Variants in USP9X observed in about 807,000 individuals in gnomAD.
USP9X encodes the protein ubiquitin carboxyl-terminal hydrolase 9X.
USP9X carries 7 observed loss-of-function variants against 190.3 expected under a neutral mutation model. The observed-to-expected ratio is 0.04, with a 90% CI of 0.02 to 0.07. The LOEUF is 0.07. Among genes scored for constraint, USP9X ranks in the 10% least tolerant of loss-of-function variants. USP9X has a pLI of 1.00. For missense variants in USP9X, 1,010 were observed against 1,916.9 expected, an observed-to-expected ratio of 0.53 and a Z score of 8.83; for synonymous variants, 645 against 659.5, an observed-to-expected ratio of 0.98 and a Z score of 0.34.
At chrX:41,092,196 G>A (rs1569144010) in intron 1 of USP9X, among the ~76,000 whole-genome samples, 3 of 111,700 alleles carry the variant, frequency 2.7e-5, no homozygotes, top group Admixed American at 1.9e-4. Context: ...ATCTTCTACA[G>A]AGCCTGTGAA....
At chrX:41,186,321 C>T (rs1046035847) in intron 23 of USP9X, among the ~76,000 whole-genome samples, 196 bp from the exon 24 acceptor site, 3 of 111,350 alleles carry the variant, frequency 2.7e-5, no homozygotes, top group Admixed American at 9.6e-5. Flanking sequence ...TTTGCAGACA[C>T]GTGGCACTAC....
chrX:41,153,002 T>C lies in USP9X; in HGVS notation c.1818T>C (p.Leu606=). 3 of 1,210,699 alleles carry C rather than the reference T, an allele frequency of 2.5e-6. No homozygotes were observed. Among genetic ancestry groups the C allele is most frequent in the Non-Finnish European group, 2.2e-6 (2 of 894,892 alleles). The change falls in exon 14 of 45, where the codon CTT becomes CTC. Residue 606 remains leucine, a synonymous_variant. Transcript: ENST00000378308. ...VFYRHDLINQ[L]QHNHALVTLV... ...ATCGCCATGACTTAATCAATCAACTTCAACACAATCATGCCCTAGTTACTT... is the reference window on the plus strand; with the variant it reads ...ATCGCCATGACTTAATCAATCAACTCCAACACAATCATGCCCTAGTTACTT...
At chrX:41,170,339 G>C (rs1479976894) in intron 19 of USP9X, 104 bp downstream of exon 19, 6 of 1,073,221 alleles carry the variant, frequency 5.6e-6, no homozygotes, top group Admixed American at 5.5e-5. Flanking sequence ...GACTGTGTTA[G>C]GTGTTAGAGT....
rs189173587 is a variant in USP9X at position 41,198,471 on chromosome X, T to C, written c.4381-57T>C. The C allele has an allele frequency of 3.7e-4, 348 of 952,523 alleles. 1 individual carries two copies. The highest frequency in any genetic ancestry group is 1.2e-3 in the South Asian group (44 of 37,439). The allele number at this position is 952,523 out of a possible 1,213,427, so 78.5% of individuals were successfully genotyped here. ...AAATGATTTACTTACAAGAGAACTT[T>C]TTTTTTCTAAAAATATATAGCATTG... On this transcript the variant is annotated intron_variant, in intron 29 of 44. Coordinates refer to ENST00000378308, the MANE Select transcript of USP9X (RefSeq NM_001039591.3).
chrX:41,097,364 G>A (rs1001977498), intron 1 of USP9X, among the ~76,000 whole-genome samples: 12 of 111,859 alleles, frequency 1.1e-4, no homozygotes, highest in Non-Finnish European at 5.6e-5. Context: ...AGAAAATGTT[G>A]ATACCTCATT....
intron 1 of USP9X, among the ~76,000 whole-genome samples, chrX:41,091,889 C>G (rs2061957615): frequency 8.9e-6 from 1 of 111,829 alleles, no homozygotes; most frequent in Admixed American, 9.5e-5. Flanking sequence ...AACTGTCTCC[C>G]TGGTAATGGA....
chrX:41,085,542 C>T lies in USP9X; in HGVS notation c.-726C>T, dbSNP rs2061902141. 4.2e-6 allele frequency: 1 copy of T among 238,072 alleles called. No individual in the cohort carries two copies. Among genetic ancestry groups the T allele is most frequent in the East Asian group, 6.5e-5 (1 of 15,414 alleles). 19.6% of individuals were successfully genotyped at this position (238,072 alleles called of 1,213,427 possible). A position where few individuals can be genotyped will look rare whatever the true frequency, so the allele number is the denominator to read the frequency against. On this transcript the variant is annotated 5_prime_UTR_variant, in exon 1 of 45. Coordinates refer to ENST00000378308, the MANE Select transcript of USP9X (RefSeq NM_001039591.3). ...GCCGCAACCTCTCCGCACCCGGCCC[C>T]GTCAGGGCCTCTGTCGCGCCTAGCC...
At chrX:41,092,682 AAAAC>A (rs56067743) in intron 1 of USP9X, among the ~76,000 whole-genome samples, 22,998 of 110,868 alleles carry the variant, frequency 0.21, 2,225 homozygotes, top group Non-Finnish European at 0.29. Flanking sequence ...TCTAATGAGA[AAAAC>A]AATTTGGTGT....
chrX:41,219,437 G>A (rs1361748118), intron 38 of USP9X, among the ~76,000 whole-genome samples: 1 of 108,178 alleles, frequency 9.2e-6, no homozygotes, highest in Non-Finnish European at 1.9e-5. Context: ...CAGAATCTGT[G>A]TTTTGATTTT....
intron 28 of USP9X, among the ~76,000 whole-genome samples, chrX:41,197,013 T>G (rs1214884027): frequency 8.9e-6 from 1 of 112,000 alleles, no homozygotes; most frequent in Non-Finnish European, 1.9e-5. Flanking sequence ...AAATTCTAAT[T>G]TTTAAAAAAA....
At position 41,184,038 on chromosome X, in the gene USP9X, C is replaced by A; in HGVS notation, c.3189C>A (p.Asp1063Glu). ...TIEKLRAICL[D>E]HAKLGESSLS... ...AAAAATTAAGAGCTATTTGTTTAGA[C>A]CATGCCAAACTTGGAGAAAGCAGCC... Residue 1063 changes from aspartate to glutamate, a missense_variant, in exon 22 of 45, where the codon GAC becomes GAA. Coordinates refer to ENST00000378308, the MANE Select transcript of USP9X (RefSeq NM_001039591.3). The A allele has an allele frequency of 8.3e-7, 1 of 1,209,381 alleles. No individual in the cohort carries two copies. Among genetic ancestry groups the A allele is most frequent in the Non-Finnish European group, 1.1e-6 (1 of 894,508 alleles).
intron 33 of USP9X, among the ~76,000 whole-genome samples, 189 bp from the exon 34 acceptor site, chrX:41,214,379 G>A (rs922345109): frequency 9.0e-6 from 1 of 110,833 alleles, no homozygotes; most frequent in Middle Eastern, 4.2e-3. Flanking sequence ...TATAAAAATG[G>A]CAAATGTATG....
In USP9X at chrX:41,150,957, T is replaced by C. The variant is rs1170944772; in HGVS notation, c.1663T>C (p.Phe555Leu). 1 of 1,208,120 alleles carries C rather than the reference T, an allele frequency of 8.3e-7. No homozygotes were observed. ...ACAAAAGATCCAATGGATAGATCGC[T>C]TTATAGAAGAACTTCGCACAAATGA... The part of the protein sequence containing the change: ...DTQKIQWIDR[F>L]IEELRTNDKW... Residue 555 changes from phenylalanine to leucine, a missense_variant, in exon 13 of 45, where the codon TTT becomes CTT. Around this residue, in one of 11 missense-constraint regions of USP9X, gnomAD observed 104 missense variants for 239.8 expected, o/e 0.43. Transcript: ENST00000378308.
intron 3 of USP9X, among the ~76,000 whole-genome samples, chrX:41,131,134 T>C (rs890482286): frequency 1.8e-5 from 2 of 111,213 alleles, no homozygotes; most frequent in East Asian, 2.8e-4. Context: ...CTATGAATTT[T>C]AACAAAAATA....
In USP9X at chrX:41,141,163, G is replaced by A; in HGVS notation, c.968G>A (p.Gly323Glu). 8.3e-7 allele frequency: 1 copy of A among 1,198,971 alleles called. No homozygotes were observed. Among genetic ancestry groups the A allele is most frequent in the Non-Finnish European group, 1.1e-6 (1 of 889,470 alleles). ...SLKNLASRVP[G>E]QEETVKNLEI... The stretch of plus-strand genomic sequence containing the variant: ...AAGAATTTAGCTTCAAGGGTTCCAG[G>A]ACAAGAAGAAACTGTTAAAAACTTA... The change falls in exon 8 of 45, where the codon GGA (glycine) becomes GAA (glutamate). Residue 323 changes from glycine (G) to glutamate (E), a missense_variant. Around this residue, in one of 11 missense-constraint regions of USP9X, gnomAD observed 176 missense variants for 247.5 expected, o/e 0.71. Transcript: ENST00000378308.
At chrX:41,210,992 T>C (rs776751023) in intron 33 of USP9X, among the ~76,000 whole-genome samples, 2 of 110,674 alleles carry the variant, frequency 1.8e-5, no homozygotes, top group Non-Finnish European at 3.8e-5. Flanking sequence ...TTTTTTTTTC[T>C]TTCTTTCTTT....
At chrX:41,100,472 A>ATT (rs2062025960) in intron 1 of USP9X, among the ~76,000 whole-genome samples, 1 of 111,494 alleles carries the variant, frequency 9.0e-6, no homozygotes, top group South Asian at 3.7e-4. Context: ...TGTCTGAGTA[A>ATT]ATGAGCGCTC....
chrX:41,196,854 A>G, intron 28 of USP9X, 116 bp downstream of exon 28: 1 of 592,801 alleles, frequency 1.7e-6, no homozygotes, highest in Non-Finnish European at 2.5e-6. Flanking sequence ...GATTGATAAA[A>G]GGGACCAAAG....
intron 21 of USP9X, among the ~76,000 whole-genome samples, chrX:41,177,515 G>A (rs1415373202): frequency 8.9e-6 from 1 of 112,232 alleles, no homozygotes; most frequent in Non-Finnish European, 1.9e-5. Context: ...ACATGTCACT[G>A]TGTCTTTGGT....
Sources: gnomAD v4.1 joint callset for allele counts (sites outside exome capture counted in the v4.1 genomes callset) on GRCh38, gnomAD v4.1.1 for gene constraint, gnomAD v4.1.1 regional missense constraint, MANE v1.5 for transcripts, NCBI Gene and HGNC (gene_info 2026-07-23, HGNC 2026-07-21) for gene names.